Variants in NTAN1 observed in about 807,000 individuals in gnomAD.
The protein encoded by NTAN1 is protein N-terminal asparagine amidohydrolase.
In NTAN1, 32 loss-of-function variants were observed where a neutral mutation model predicts 41.9. The observed-to-expected ratio is 0.76, with a 90% CI of 0.58 to 1.03. The LOEUF is 1.03. Among genes scored for constraint, NTAN1 ranks in the 50% least tolerant of loss-of-function variants. NTAN1 has a pLI of 0.00. For synonymous variants in NTAN1, 140 were observed against 139.5 expected, an observed-to-expected ratio of 1.00 and a Z score of -0.03; for missense variants, 377 against 377.5, an observed-to-expected ratio of 1.00 and a Z score of 0.01.
chr16:15,053,480 T>A (rs28559284), intron 1 of NTAN1, among the ~76,000 whole-genome samples: 2 of 152,208 alleles, frequency 1.3e-5, no homozygotes, highest in African/African-American at 2.4e-5. Flanking sequence ...ATCATTTTTT[T>A]AAAAAAAGTA....
At chr16:15,049,229 A>G (rs1465142294) in intron 1 of NTAN1, among the ~76,000 whole-genome samples, 2 of 152,028 alleles carry the variant, frequency 1.3e-5, no homozygotes, top group Non-Finnish European at 2.9e-5. Flanking sequence ...GGGCCTCCCT[A>G]TGCTGCCCAG....
In NTAN1 at chr16:15,048,161, ATG is replaced by A. The variant is rs1411281035; in HGVS notation, c.82-64_82-63del. The A allele has an allele frequency of 1.4e-5, 17 of 1,226,668 alleles. No individual in the cohort carries two copies. In the Admixed American group the frequency reaches 1.6e-4, roughly 11 times the overall value. The allele number at this position is 1,226,668 out of a possible 1,614,324, so 76.0% of individuals were successfully genotyped here. ...ATTAGTGAGGATGGAAAAACTAAAG[ATG>A]TGGAGAGAGCCAAAGTGGGCTCTGC... On this transcript the variant is annotated intron_variant, in intron 1 of 9. Transcript: ENST00000287706.
intron 1 of NTAN1, among the ~76,000 whole-genome samples, chr16:15,055,097 A>T (rs761593364): frequency 1.2e-4 from 19 of 152,162 alleles, no homozygotes; most frequent in Non-Finnish European, 2.5e-4. Flanking sequence ...TAGGGGCTCG[A>T]TATTTGACTC....
chr16:15,038,634 G>A lies in NTAN1; in HGVS notation c.693C>T (p.Ser231=). The part of the protein sequence containing the change: ...ETEQLRIGPY[S]WTPFPHVDFW... ...AATCCACATGTGGAAATGGTGTCCA[G>A]GAGTACGGTCCTATACGAAGTTGTT... The change falls in exon 9 of 10, where the codon TCC becomes TCT. Residue 231 remains serine, a synonymous_variant. Coordinates refer to ENST00000287706, the MANE Select transcript of NTAN1 (RefSeq NM_173474.4). The A allele has an allele frequency of 1.2e-6, 2 of 1,610,260 alleles. No individual in the cohort carries two copies. Among genetic ancestry groups the A allele is most frequent in the Non-Finnish European group, 1.7e-6 (2 of 1,176,660 alleles).
At position 15,037,927 on chromosome 16, in the gene NTAN1, G is replaced by A. The variant is rs1253094787; in HGVS notation, c.*104C>T. The A allele has an allele frequency of 2.9e-6, 2 of 685,890 alleles. No individual in the cohort carries two copies. The highest frequency in any genetic ancestry group is 5.0e-6 in the Non-Finnish European group (2 of 402,984). The allele number at this position is 685,890 out of a possible 1,614,324, so 42.5% of individuals were successfully genotyped here. A position where few individuals can be genotyped will look rare whatever the true frequency, so the allele number is the denominator to read the frequency against. ...ATTTGAAAGACACTGAGGAGGGAAGGAGGCCTAAGACCCAACAGATGTAGG... is the reference window on the plus strand; with the variant it reads ...ATTTGAAAGACACTGAGGAGGGAAGAAGGCCTAAGACCCAACAGATGTAGG... On this transcript the variant is annotated 3_prime_UTR_variant, in exon 10 of 10. Coordinates refer to ENST00000287706, the MANE Select transcript of NTAN1 (RefSeq NM_173474.4).
rs75373663 is a variant in NTAN1 at position 15,055,383 on chromosome 16, G to T, written c.81+508C>A. 1.0e-2 allele frequency among the ~76,000 whole-genome samples: 1,523 copies of T among 152,362 alleles called. 13 individuals carry two copies. The highest frequency in any genetic ancestry group is 0.016 in the Non-Finnish European group (1,065 of 68,042). ...TAACTCGGCGCCCTACGCCCCGGGG[G>T]TAGGGGAGAGAGAGGAGGAAGGACT... On this transcript the variant is annotated intron_variant, in intron 1 of 9. Coordinates refer to ENST00000287706, the MANE Select transcript of NTAN1 (RefSeq NM_173474.4).
chr16:15,047,770 A>G, intron 3 of NTAN1, 85 bp downstream of exon 3: 3 of 1,176,588 alleles, frequency 2.5e-6, no homozygotes, highest in Non-Finnish European at 3.8e-6. Context: ...CCAACAAGAC[A>G]CCAGGAAACT....
intron 1 of NTAN1, among the ~76,000 whole-genome samples, chr16:15,051,450 A>G (rs943358878): frequency 6.6e-6 from 1 of 152,118 alleles, no homozygotes; most frequent in Non-Finnish European, 1.5e-5. Context: ...GCCTCAAGCA[A>G]TCCTCCCACC....
rs34790085 is a variant in NTAN1, at chr16:15,042,185, C to CT, written c.434-510dup. ...GCTGACTATAAAGACAATTTTATAT[C>CT]TTTTTTTTTTTTTTTTTTGAGATGG... On this transcript the variant is annotated intron_variant, in intron 5 of 9. Coordinates refer to ENST00000287706, the MANE Select transcript of NTAN1 (RefSeq NM_173474.4). Among the ~76,000 whole-genome samples the CT allele has an allele frequency of 3.6e-3, 488 of 135,574 alleles. 4 individuals carry two copies. The highest frequency in any genetic ancestry group is 0.02 in the East Asian group (94 of 4,604). 88.9% of individuals were successfully genotyped at this position (135,574 alleles called of 152,430 possible).
intron 5 of NTAN1, among the ~76,000 whole-genome samples, chr16:15,042,558 TA>T: frequency 6.6e-6 from 1 of 152,308 alleles, no homozygotes; most frequent in East Asian, 1.9e-4. Flanking sequence ...TTTCATGTGT[TA>T]TTTTTTAGCG....
chr16:15,040,596 G>C (rs985561662), intron 7 of NTAN1: 1 of 174,802 alleles, frequency 5.7e-6, no homozygotes, highest in Admixed American at 5.7e-5. Flanking sequence ...GCCAAGCAGG[G>C]AGGATGGTTC....
chr16:15,046,378 C>T (rs2044063296), intron 4 of NTAN1, among the ~76,000 whole-genome samples: 1 of 152,196 alleles, frequency 6.6e-6, no homozygotes, highest in Non-Finnish European at 1.5e-5. Context: ...CCACAAAGAG[C>T]AAGGAGAGGG....
At chr16:15,047,278 C>T in intron 4 of NTAN1, 164 bp downstream of exon 4, 1 of 612,308 alleles carries the variant, frequency 1.6e-6, no homozygotes, top group Non-Finnish European at 2.9e-6. Flanking sequence ...TTCACTCAAC[C>T]ACTGCTGACG....
Position 15,040,002 on chromosome 16 carries a change from C to G in NTAN1, c.606G>C (p.Gln202His), listed in dbSNP as rs768911930. The G allele has an allele frequency of 1.2e-6, 2 of 1,611,460 alleles. No individual in the cohort carries two copies. Among genetic ancestry groups the G allele is most frequent in the Non-Finnish European group, 1.7e-6 (2 of 1,177,846 alleles). ...CTGCTAAAGTTCGCGCAGCACGAAG[C>G]TGCTCCTCCGGACCCCGATCTTGAA... ...ASFQDRGPEE[Q>H]LRAARTLAGG... The change falls in exon 8 of 10, where the codon CAG becomes CAC. Residue 202 changes from glutamine to histidine, a missense_variant. Coordinates refer to ENST00000287706, the MANE Select transcript of NTAN1 (RefSeq NM_173474.4).
At chr16:15,043,344 A>G (rs978673987) in intron 5 of NTAN1, among the ~76,000 whole-genome samples, 5 of 152,136 alleles carry the variant, frequency 3.3e-5, no homozygotes, top group Non-Finnish European at 5.9e-5. Flanking sequence ...CCGGATATGA[A>G]CCTTTTTTAA....
intron 5 of NTAN1, among the ~76,000 whole-genome samples, chr16:15,043,152 G>C (rs2043898229): frequency 6.6e-6 from 1 of 152,062 alleles, no homozygotes; most frequent in African/African-American, 2.4e-5. Context: ...GGCCTGCCTT[G>C]AACTCCCAAA....
intron 5 of NTAN1, among the ~76,000 whole-genome samples, 161 bp from the exon 6 acceptor site, chr16:15,041,837 A>G (rs976391471): frequency 6.6e-6 from 1 of 152,194 alleles, no homozygotes; most frequent in Admixed American, 6.5e-5. Flanking sequence ...GGGGCCAGAC[A>G]CTAGGGAGCT....
rs573903421 is a variant in NTAN1 at position 15,041,191 on chromosome 16, T to C, written c.488-70A>G. On this transcript the variant is annotated intron_variant, in intron 6 of 9. Transcript: ENST00000287706. ...AAATGATTATTTTTACTTTGTATAA[T>C]AAAGGCGAAGGAGGAGCTCCTCGAT... The C allele has an allele frequency of 7.6e-6, 8 of 1,048,682 alleles. No homozygotes were observed. The East Asian group carries it at 1.7e-4, about 22-fold the overall frequency. 65.0% of individuals were successfully genotyped at this position (1,048,682 alleles called of 1,614,324 possible).
At chr16:15,047,763 A>C in intron 3 of NTAN1, 92 bp downstream of exon 3, 4 of 1,147,536 alleles carry the variant, frequency 3.5e-6, no homozygotes, top group Non-Finnish European at 5.3e-6. Flanking sequence ...TCCGCTTCCA[A>C]CAAGACACCA....
Sources: allele counts gnomAD v4.1 joint callset (sites outside exome capture counted in the v4.1 genomes callset), GRCh38; gene constraint gnomAD v4.1.1; transcripts MANE v1.5; gene names NCBI Gene and HGNC (gene_info 2026-07-23, HGNC 2026-07-21).